Variants in GRM1 observed in about 807,000 individuals in gnomAD.
GRM1 encodes the protein glutamate metabotropic receptor 1.
Under a neutral mutation model 90.9 loss-of-function variants are expected in GRM1, and 33 were observed. That is an observed-to-expected ratio of 0.36 (90% confidence interval 0.28 to 0.49). The LOEUF is 0.49. Among genes scored for constraint, GRM1 ranks in the 20% least tolerant of loss-of-function variants. The pLI is 0.99. For missense variants in GRM1, 1,190 were observed against 1,534.3 expected, an observed-to-expected ratio of 0.78 and a Z score of 3.75; for synonymous variants, 700 against 613.2, an observed-to-expected ratio of 1.14 and a Z score of -2.09.
At chr6:146,130,115 C>A (rs922829892) in intron 1 of GRM1, among the ~76,000 whole-genome samples, 2 of 152,026 alleles carry the variant, frequency 1.3e-5, no homozygotes, top group Non-Finnish European at 2.9e-5. Context: ...GGAATTCTAC[C>A]ACCATATAGT....
chr6:146,425,118 G>A (rs73785364), intron 7 of GRM1, among the ~76,000 whole-genome samples: 49 of 152,118 alleles, frequency 3.2e-4, no homozygotes, highest in African/African-American at 1.2e-3. Flanking sequence ...AATTACTCTC[G>A]GTAAATCATG....
At chr6:146,296,337 T>C (rs1177902100) in intron 2 of GRM1, among the ~76,000 whole-genome samples, 1 of 152,228 alleles carries the variant, frequency 6.6e-6, no homozygotes, top group Non-Finnish European at 1.5e-5. Context: ...AATGTGATGT[T>C]GTGATACATG....
chr6:146,112,548 A>G (rs973539189), intron 1 of GRM1, among the ~76,000 whole-genome samples: 5 of 152,138 alleles, frequency 3.3e-5, no homozygotes, highest in Non-Finnish European at 7.4e-5. Flanking sequence ...AGAGATCAAG[A>G]TAGAGACCCC....
intron 2 of GRM1, among the ~76,000 whole-genome samples, chr6:146,254,334 T>C (rs552199122): frequency 6.6e-6 from 1 of 152,184 alleles, no homozygotes; most frequent in East Asian, 1.9e-4. Flanking sequence ...GCTTCCACAC[T>C]GGAAGGAAGG....
chr6:146,128,843 C>G (rs1776289490), intron 1 of GRM1, among the ~76,000 whole-genome samples: 1 of 152,052 alleles, frequency 6.6e-6, no homozygotes, highest in Non-Finnish European at 1.5e-5. Context: ...TCCCAGCATC[C>G]TTGGCCATTT....
At chr6:146,349,044 C>CTGCTATTATTATTAT (rs373292241) in intron 3 of GRM1, among the ~76,000 whole-genome samples, 1 of 141,538 alleles carries the variant, frequency 7.1e-6, no homozygotes, top group African/African-American at 2.6e-5. Flanking sequence ...GAAGTGGTAG[C>CTGCTATTATTATTAT]TATTATTATT....
At chr6:146,352,752 G>C (rs1422235640) in intron 4 of GRM1, among the ~76,000 whole-genome samples, 1 of 152,062 alleles carries the variant, frequency 6.6e-6, no homozygotes, top group East Asian at 1.9e-4. Context: ...CCTATCACTT[G>C]ACCCTTTTTC....
At chr6:146,179,907 C>T (rs986464591) in intron 2 of GRM1, among the ~76,000 whole-genome samples, 6 of 151,896 alleles carry the variant, frequency 4.0e-5, no homozygotes, top group Non-Finnish European at 5.9e-5. Flanking sequence ...TTTGGGAGGC[C>T]GAGGCAGGAG....
At chr6:146,400,557 A>C (rs929451006) in intron 7 of GRM1, among the ~76,000 whole-genome samples, 2 of 152,120 alleles carry the variant, frequency 1.3e-5, no homozygotes, top group Admixed American at 6.5e-5. Context: ...TATAATAAGC[A>C]CTTTCCTATC....
intron 5 of GRM1, among the ~76,000 whole-genome samples, chr6:146,384,228 T>C (rs1197685177): frequency 6.6e-6 from 1 of 152,110 alleles, no homozygotes; most frequent in African/African-American, 2.4e-5. Flanking sequence ...GAGTATTTGA[T>C]TGAATACTAG....
At chr6:146,043,815 G>A (rs1191759358) in intron 1 of GRM1, among the ~76,000 whole-genome samples, 3 of 73,262 alleles carry the variant, frequency 4.1e-5, no homozygotes, top group Non-Finnish European at 9.7e-5. Context: ...ATATATAAAG[G>A]GAAGTGACCT....
intron 2 of GRM1, among the ~76,000 whole-genome samples, chr6:146,205,156 T>C (rs566131937): frequency 6.1e-4 from 93 of 152,198 alleles, no homozygotes; most frequent in Non-Finnish European, 1.0e-3. Context: ...AGGACATGTT[T>C]TAGAGTAAAA....
chr6:146,140,129 CTTT>C (rs1562488194), intron 1 of GRM1, among the ~76,000 whole-genome samples: 28 of 121,500 alleles, frequency 2.3e-4, no homozygotes, highest in African/African-American at 7.3e-4. Context: ...TTCTTTCTTT[CTTT>C]CTTTCTTTCC....
chr6:146,267,208 G>T (rs1464053929), intron 2 of GRM1, among the ~76,000 whole-genome samples: 2 of 152,180 alleles, frequency 1.3e-5, no homozygotes, highest in Admixed American at 6.5e-5. Context: ...TCCCTGCAAA[G>T]GCCATGATCT....
intron 6 of GRM1, among the ~76,000 whole-genome samples, chr6:146,390,686 T>C (rs140784349): frequency 3.9e-5 from 6 of 152,220 alleles, no homozygotes; most frequent in African/African-American, 9.6e-5. Flanking sequence ...TATCTACTAA[T>C]TTATTTCATT....
intron 2 of GRM1, among the ~76,000 whole-genome samples, chr6:146,188,323 G>A (rs1374391684): frequency 1.3e-5 from 2 of 151,814 alleles, no homozygotes; most frequent in African/African-American, 4.8e-5. Flanking sequence ...CAATTTTAAT[G>A]CCCTATTTTT....
At chr6:146,030,358 G>T in intron 1 of GRM1, 141 bp downstream of exon 1, 1 of 715,912 alleles carries the variant, frequency 1.4e-6, no homozygotes. Flanking sequence ...GCCCACCCAG[G>T]CATTGCCTTT....
chr6:146,245,571 A>C (rs1781029056), intron 2 of GRM1, among the ~76,000 whole-genome samples: 1 of 152,188 alleles, frequency 6.6e-6, no homozygotes, highest in South Asian at 2.1e-4. Flanking sequence ...ACAGGTTGAG[A>C]TAATTATAGC....
chr6:146,080,940 C>T (rs1776345700), intron 1 of GRM1, among the ~76,000 whole-genome samples: 1 of 152,164 alleles, frequency 6.6e-6, no homozygotes. Context: ...GGAGTGGGAA[C>T]AGCTAAATGT....
Sources: gnomAD v4.1 joint callset for allele counts (sites outside exome capture counted in the v4.1 genomes callset) on GRCh38, gnomAD v4.1.1 for gene constraint, MANE v1.5 for transcripts, NCBI Gene and HGNC (gene_info 2026-07-23, HGNC 2026-07-21) for gene names.